The following GRM5 variants were observed in gnomAD, a reference collection of about 807,000 sequenced individuals.
GRM5 encodes metabotropic glutamate receptor 5.
Under a neutral mutation model 83.1 loss-of-function variants are expected in GRM5, and 19 were observed. That is an observed-to-expected ratio of 0.23 (90% CI 0.16 to 0.34). The LOEUF (loss-of-function observed/expected upper bound fraction) is 0.34. GRM5 is among the 10% of genes least tolerant of loss of function. GRM5 has a pLI of 1.00. For missense variants in GRM5, 1,160 were observed against 1,588.3 expected (o/e 0.73, Z 4.58); for synonymous variants, 675 against 633.6 (o/e 1.07, Z -0.98).
chr11:88,781,287 G>A, intron 3 of GRM5, among the ~76,000 whole-genome samples: 1 of 151,724 alleles, frequency 6.6e-6, no homozygotes, highest in Non-Finnish European at 1.5e-5. Context: ...ATCATAACTG[G>A]GCATGTCTGA....
At chr11:88,759,890 C>A (rs1027370744) in intron 3 of GRM5, among the ~76,000 whole-genome samples, 1 of 151,990 alleles carries the variant, frequency 6.6e-6, no homozygotes, top group Admixed American at 6.6e-5. Context: ...CAGACCACAA[C>A]AAAATCAAAT....
chr11:88,726,118 T>C (rs1008411651), intron 3 of GRM5, among the ~76,000 whole-genome samples: 1 of 152,022 alleles, frequency 6.6e-6, no homozygotes, highest in Admixed American at 6.6e-5. Context: ...TCTAACCCAA[T>C]GTAAAGAAGC....
intron 5 of GRM5, among the ~76,000 whole-genome samples, chr11:88,603,517 G>A (rs1012752372): frequency 6.6e-6 from 1 of 152,096 alleles, no homozygotes; most frequent in African/African-American, 2.4e-5. Context: ...GAAAATGCTT[G>A]TATTTTTTTC....
At chr11:89,010,688 C>T (rs536335774) in intron 2 of GRM5, among the ~76,000 whole-genome samples, 1 of 151,304 alleles carries the variant, frequency 6.6e-6, no homozygotes, top group Admixed American at 6.6e-5. Context: ...ATATAAACAA[C>T]TTTTTAGATG....
intron 3 of GRM5, among the ~76,000 whole-genome samples, chr11:88,692,120 T>G (rs1251037455): frequency 6.6e-6 from 1 of 152,176 alleles, no homozygotes; most frequent in African/African-American, 2.4e-5. Context: ...AGCTCAAACC[T>G]CATATCCTTT....
chr11:88,777,800 A>G (rs1406366023), intron 3 of GRM5, among the ~76,000 whole-genome samples: 1 of 152,094 alleles, frequency 6.6e-6, no homozygotes, highest in Non-Finnish European at 1.5e-5. Flanking sequence ...AACAGCAAAT[A>G]TTGCTGCCTG....
chr11:88,639,766 C>T (rs1490276513), intron 4 of GRM5, among the ~76,000 whole-genome samples: 1 of 151,942 alleles, frequency 6.6e-6, no homozygotes, highest in Admixed American at 6.6e-5. Flanking sequence ...TTTTTGTATT[C>T]TTCAACAAGC....
rs147953408 is a variant in GRM5, at chr11:88,783,412, G to C, written c.911+66494C>G. Among the ~76,000 whole-genome samples, 496 of 152,088 alleles carry C rather than the reference G, an allele frequency of 3.3e-3. 1 individual carries two copies. The highest frequency in any genetic ancestry group is 0.011 in the African/African-American group (472 of 41,506). Reference sequence around the variant, plus strand: ...GATGTTATTTATCACATACAAGATGGCTATTTAAAATTTTACAGGCACTAG... The same window carrying C: ...GATGTTATTTATCACATACAAGATGCCTATTTAAAATTTTACAGGCACTAG... On this transcript the variant is annotated intron_variant, in intron 3 of 9. Transcript: ENST00000305447.
intron 2 of GRM5, among the ~76,000 whole-genome samples, chr11:89,043,325 A>C (rs1941574193): frequency 6.6e-6 from 1 of 152,154 alleles, no homozygotes; most frequent in South Asian, 2.1e-4. Context: ...GTACAATATA[A>C]AATTTTTTTT....
intron 3 of GRM5, among the ~76,000 whole-genome samples, chr11:88,696,530 TCCA>T (rs1455279835): frequency 6.6e-6 from 1 of 152,192 alleles, no homozygotes; most frequent in Non-Finnish European, 1.5e-5. Flanking sequence ...AATCATAATG[TCCA>T]CCTTGGTGGG....
chr11:88,617,160 G>C (rs183735266), intron 4 of GRM5, among the ~76,000 whole-genome samples: 10 of 152,260 alleles, frequency 6.6e-5, no homozygotes, highest in Admixed American at 5.2e-4. Context: ...AGCAGGATCT[G>C]TTAGGTGGGC....
intron 8 of GRM5, among the ~76,000 whole-genome samples, chr11:88,542,887 G>A (rs1942300319): frequency 6.6e-6 from 1 of 152,110 alleles, no homozygotes; most frequent in South Asian, 2.1e-4. Flanking sequence ...TGGCCAACAT[G>A]GTGAAACCCC....
chr11:88,603,941 T>G (rs1938072118), intron 5 of GRM5, among the ~76,000 whole-genome samples: 1 of 152,198 alleles, frequency 6.6e-6, no homozygotes, highest in African/African-American at 2.4e-5. Context: ...ACCCTATTGT[T>G]TTGATACAAG....
intron 4 of GRM5, among the ~76,000 whole-genome samples, chr11:88,637,473 C>T (rs955730376): frequency 1.4e-4 from 22 of 152,082 alleles, no homozygotes; most frequent in Non-Finnish European, 1.5e-5. Context: ...AAACAAACAA[C>T]CCCATCAAAA....
Position 88,944,902 on chromosome 11 carries a change from A to G in GRM5, c.662-94747T>C, listed in dbSNP as rs531409355. Among the ~76,000 whole-genome samples the G allele has an allele frequency of 2.6e-5, 4 of 152,110 alleles. No individual in the cohort carries two copies. In the East Asian group the frequency reaches 7.7e-4, roughly 29 times the overall value. On this transcript the variant is annotated intron_variant, in intron 2 of 9. Coordinates refer to ENST00000305447, the MANE Select transcript of GRM5 (RefSeq NM_001143831.3). ...GAGAAAAATAAAAGGCATCCAAATAAGAAAATAAGAACTCAAACTATTATT... is the reference window on the plus strand; with the variant it reads ...GAGAAAAATAAAAGGCATCCAAATAGGAAAATAAGAACTCAAACTATTATT...
At chr11:88,919,558 A>C (rs1174792168) in intron 2 of GRM5, among the ~76,000 whole-genome samples, 1 of 151,610 alleles carries the variant, frequency 6.6e-6, no homozygotes, top group Non-Finnish European at 1.5e-5. Flanking sequence ...GATCTAATAG[A>C]TATTTACAGA....
At chr11:88,953,589 C>T (rs1177617053) in intron 2 of GRM5, among the ~76,000 whole-genome samples, 1 of 152,202 alleles carries the variant, frequency 6.6e-6, no homozygotes, top group Non-Finnish European at 1.5e-5. Context: ...TTTGTTTCCT[C>T]TGTCCTTGCC....
chr11:88,618,857 G>T (rs189747359), intron 4 of GRM5, among the ~76,000 whole-genome samples: 18 of 152,288 alleles, frequency 1.2e-4, no homozygotes, highest in Admixed American at 1.1e-3. Context: ...TTTAGGGTCT[G>T]CTATGAGCCA....
chr11:88,895,923 A>G (rs1214804788), intron 2 of GRM5, among the ~76,000 whole-genome samples: 2 of 151,980 alleles, frequency 1.3e-5, no homozygotes, highest in East Asian at 3.9e-4. Flanking sequence ...CTAGTAAAAA[A>G]CATTAGTTTT....
Sources: gnomAD v4.1 joint callset for allele counts (sites outside exome capture counted in the v4.1 genomes callset) on GRCh38, gnomAD v4.1.1 for gene constraint, MANE v1.5 for transcripts, NCBI Gene and HGNC (gene_info 2026-07-23, HGNC 2026-07-21) for gene names.